Variants in PHB1 observed in about 807,000 individuals in gnomAD.
PHB1 encodes prohibitin 1.
the PHB1 span, chr17:49,405,176 A>G: frequency 6.2e-7 from 1 of 1,614,078 alleles, no homozygotes; most frequent in South Asian, 1.1e-5. Flanking sequence ...CTCAGCAGAG[A>G]TGATGGCCGC....
At chr17:49,412,155 T>C in the PHB1 span, 26 of 255,760 alleles carry the variant, frequency 1.0e-4, no homozygotes, top group Middle Eastern at 1.3e-3. Flanking sequence ...CCAGGAATCA[T>C]CTACCAAAAC....
At chr17:49,412,409 C>T in the PHB1 span, among the ~76,000 whole-genome samples, 1 of 152,184 alleles carries the variant, frequency 6.6e-6, no homozygotes, top group Non-Finnish European at 1.5e-5. Flanking sequence ...CACAGTACTG[C>T]TAAGATGTGT....
chr17:49,412,517 C>A, the PHB1 span, among the ~76,000 whole-genome samples: 1 of 152,200 alleles, frequency 6.6e-6, no homozygotes. Flanking sequence ...TCTTGTCAGC[C>A]AGCCACACAC....
the PHB1 span, among the ~76,000 whole-genome samples, chr17:49,408,222 A>G: frequency 2.0e-5 from 3 of 152,216 alleles, no homozygotes; most frequent in Non-Finnish European, 2.9e-5. Flanking sequence ...AAGGTGGAGC[A>G]GTGCCCAGGG....
At chr17:49,412,574 A>G in the PHB1 span, 1 of 152,640 alleles carries the variant, frequency 6.6e-6, no homozygotes, top group Non-Finnish European at 1.5e-5. Flanking sequence ...AAAGTGTCAG[A>G]ATGTCAGAAT....
the PHB1 span, among the ~76,000 whole-genome samples, chr17:49,413,453 G>C: frequency 6.7e-6 from 1 of 149,768 alleles, no homozygotes; most frequent in Admixed American, 6.7e-5. Context: ...ATGCTTTATA[G>C]CTTGGAAAGT....
the PHB1 span, chr17:49,406,887 G>C: frequency 5.0e-4 from 743 of 1,483,186 alleles, no homozygotes; most frequent in Non-Finnish European, 6.6e-4. Flanking sequence ...AGATGAGGCA[G>C]TGTGATTGCT....
chr17:49,408,255 T>A, the PHB1 span, among the ~76,000 whole-genome samples: 1 of 152,216 alleles, frequency 6.6e-6, no homozygotes, highest in East Asian at 1.9e-4. Context: ...TGTTGTCAAG[T>A]GGCTGTTTAA....
chr17:49,412,101 T>A, the PHB1 span: 1 of 388,512 alleles, frequency 2.6e-6, no homozygotes, highest in Non-Finnish European at 4.6e-6. Context: ...GGCTGTTGAT[T>A]TTCTGAATGA....
the PHB1 span, chr17:49,409,542 T>G: frequency 4.3e-5 from 44 of 1,024,724 alleles, no homozygotes; most frequent in African/African-American, 2.9e-4. Flanking sequence ...GTTTTTTTTT[T>G]GTTTTTTTTT....
At chr17:49,411,344 G>A in the PHB1 span, among the ~76,000 whole-genome samples, 1 of 151,782 alleles carries the variant, frequency 6.6e-6, no homozygotes, top group Non-Finnish European at 1.5e-5. Flanking sequence ...GGGATTACAG[G>A]CACCCCCCAC....
the PHB1 span, chr17:49,406,900 G>A: frequency 8.8e-6 from 12 of 1,362,452 alleles, no homozygotes; most frequent in East Asian, 4.6e-5. Context: ...TGATTGCTTC[G>A]ACAGCACTGC....
At chr17:49,409,543 GTTTTTTTTTT>G in the PHB1 span, 11 of 838,008 alleles carry the variant, frequency 1.3e-5, no homozygotes, top group African/African-American at 4.1e-5. Context: ...TTTTTTTTTT[GTTTTTTTTTT>G]TTTTTGAGAC....
At chr17:49,411,017 C>T in the PHB1 span, among the ~76,000 whole-genome samples, 306 of 152,240 alleles carry the variant, frequency 2.0e-3, 1 homozygote, top group Non-Finnish European at 1.6e-3. Flanking sequence ...ATGGACCAAG[C>T]GCCCATGAGA....
At chr17:49,413,949 C>T in the PHB1 span, among the ~76,000 whole-genome samples, 1 of 151,830 alleles carries the variant, frequency 6.6e-6, no homozygotes. Context: ...ACAAGTAGGC[C>T]CCCAAAAAGA....
chr17:49,410,893 C>T, the PHB1 span, among the ~76,000 whole-genome samples: 603 of 152,336 alleles, frequency 4.0e-3, 4 homozygotes, highest in African/African-American at 0.013. Context: ...TGTTCTGCTT[C>T]TCATTACTTG....
chr17:49,408,027 T>G, the PHB1 span, among the ~76,000 whole-genome samples: 1 of 152,370 alleles, frequency 6.6e-6, no homozygotes, highest in South Asian at 2.1e-4. Flanking sequence ...TTCCCCAGAA[T>G]GGAGTATGTG....
chr17:49,408,782 G>A, the PHB1 span: 1 of 409,448 alleles, frequency 2.4e-6, no homozygotes. Flanking sequence ...GTTTGGAGAA[G>A]GTAAAACATT....
chr17:49,408,886 C>T, the PHB1 span: 24 of 617,102 alleles, frequency 3.9e-5, no homozygotes, highest in East Asian at 1.4e-4. Context: ...GAAAAACCCA[C>T]GGAGACTGCC....
Sources: gnomAD v4.1 joint callset for allele counts (sites outside exome capture counted in the v4.1 genomes callset) on GRCh38, gnomAD v4.1.1 for gene constraint, MANE v1.5 for transcripts, NCBI Gene and HGNC (gene_info 2026-07-23, HGNC 2026-07-21) for gene names.